The following SH2D1B variants were observed in gnomAD, a reference collection of about 807,000 sequenced individuals.
The protein encoded by SH2D1B is SH2 domain-containing protein 1B.
A neutral mutation model predicts 16.3 loss-of-function variants in SH2D1B; 11 were observed. The ratio of observed to expected loss-of-function variants is 0.67; its 90% confidence interval spans 0.42 to 1.11. The LOEUF is 1.11. SH2D1B is among the 50% of genes most tolerant of loss of function. The pLI is 0.00. For synonymous variants in SH2D1B, 55 were observed against 56.1 expected (o/e 0.98, Z 0.09); for missense variants, 123 against 153.1 (o/e 0.80, Z 1.04).
intron 1 of SH2D1B, 39 bp from the exon 2 acceptor site, chr1:162,402,841 G>T: frequency 2.0e-6 from 3 of 1,482,454 alleles, no homozygotes; most frequent in Non-Finnish European, 2.8e-6. Flanking sequence ...AATGTTCTAT[G>T]CAAATCCAGG....
chr1:162,411,138 T>C (rs931964553), intron 1 of SH2D1B, among the ~76,000 whole-genome samples: 11 of 151,814 alleles, frequency 7.2e-5, no homozygotes, highest in African/African-American at 2.7e-4. Flanking sequence ...GTATTTTTGG[T>C]AGAGATGGGG....
Position 162,397,042 on chromosome 1 carries a change from C to G in SH2D1B, c.*238G>C. The G allele has an allele frequency of 1.9e-6, 1 of 520,230 alleles. No individual in the cohort carries two copies. Among genetic ancestry groups the G allele is most frequent in the Non-Finnish European group, 3.5e-6 (1 of 286,222 alleles). 32.2% of individuals were successfully genotyped at this position (520,230 alleles called of 1,614,324 possible). ...GGGAAAATGTTCAGGCTGTCCCATTCCAAGAAAGAAGAGTGAAACTGGAGA... is the reference window on the plus strand; with the variant it reads ...GGGAAAATGTTCAGGCTGTCCCATTGCAAGAAAGAAGAGTGAAACTGGAGA... On this transcript the variant is annotated 3_prime_UTR_variant, in exon 4 of 4. Coordinates refer to ENST00000367929, the MANE Select transcript of SH2D1B (RefSeq NM_053282.5).
At position 162,397,303 on chromosome 1, in the gene SH2D1B, C is replaced by A; in HGVS notation, c.376G>T (p.Asp126Tyr). The A allele has an allele frequency of 1.2e-6, 2 of 1,613,762 alleles. No homozygotes were observed. The highest frequency in any genetic ancestry group is 1.1e-5 in the South Asian group (1 of 91,058). Residue 126 changes from aspartate to tyrosine, a missense_variant, in exon 4 of 4, where the codon GAT becomes TAT. Physicochemically the swap from Asp to Tyr is radical, Grantham distance 160 (BLOSUM62 -3). Coordinates refer to ENST00000367929, the MANE Select transcript of SH2D1B (RefSeq NM_053282.5). ...CTTCAAGGCAAGACATCCACATAAT[C>A]GCTGTTACTGTTCTTTGGAGGGAAA... is the stretch of plus-strand genomic sequence containing the variant. ...ELETFVNSNSDYVDVLP is the reference protein window; with the variant it reads ...ELETFVNSNSYYVDVLP
At position 162,412,118 on chromosome 1, in the gene SH2D1B, T is replaced by A; in HGVS notation, c.-102A>T. On this transcript the variant is annotated 5_prime_UTR_variant, in exon 1 of 4. Coordinates refer to ENST00000367929, the MANE Select transcript of SH2D1B (RefSeq NM_053282.5). The stretch of plus-strand genomic sequence containing the variant: ...GATGTGTAAGCAGCTGTACCTCCTG[T>A]GGAGCTACCTCTTCCTCTAGCGGTC... The A allele has an allele frequency of 6.9e-7, 1 of 1,453,520 alleles. No individual in the cohort carries two copies. Among genetic ancestry groups the A allele is most frequent in the Non-Finnish European group, 9.5e-7 (1 of 1,055,072 alleles). 90.0% of individuals were successfully genotyped at this position (1,453,520 alleles called of 1,614,324 possible).
intron 1 of SH2D1B, among the ~76,000 whole-genome samples, chr1:162,410,210 G>C (rs986944476): frequency 6.6e-6 from 1 of 152,148 alleles, no homozygotes; most frequent in Non-Finnish European, 1.5e-5. Context: ...CTACAATTCT[G>C]TTAGGCTGGT....
chr1:162,404,329 C>G (rs1228598683), intron 1 of SH2D1B, among the ~76,000 whole-genome samples: 1 of 151,692 alleles, frequency 6.6e-6, no homozygotes, highest in Admixed American at 6.6e-5. Context: ...GAGTGAGACT[C>G]CATCTCAAAA....
In SH2D1B at chr1:162,397,114, G is replaced by A. The variant is rs140825281; in HGVS notation, c.*166C>T. ...TATATGTCTGGGAGGCGGGGATGTG[G>A]AGAGTGACCTCTGGTGCTGGTGGGC... On this transcript the variant is annotated 3_prime_UTR_variant, in exon 4 of 4. Coordinates refer to ENST00000367929, the MANE Select transcript of SH2D1B (RefSeq NM_053282.5). The A allele has an allele frequency of 2.6e-3, 1,727 of 664,610 alleles. 23 individuals carry two copies. In the African/African-American group the frequency reaches 0.027, roughly 11 times the overall value. The allele number at this position is 664,610 out of a possible 1,614,324, so 41.2% of individuals were successfully genotyped here. A position where few individuals can be genotyped will look rare whatever the true frequency, so the allele number is the denominator to read the frequency against.
At chr1:162,405,875 GTCCT>G (rs1253162155) in intron 1 of SH2D1B, among the ~76,000 whole-genome samples, 1 of 152,204 alleles carries the variant, frequency 6.6e-6, no homozygotes, top group African/African-American at 2.4e-5. Flanking sequence ...GGATCTCTGA[GTCCT>G]TGCTCAACGC....
At chr1:162,401,804 A>C (rs1648523447) in intron 2 of SH2D1B, among the ~76,000 whole-genome samples, 2 of 152,202 alleles carry the variant, frequency 1.3e-5, no homozygotes, top group South Asian at 4.1e-4. Context: ...CAGAGTAAAC[A>C]TTAATATACT....
In SH2D1B at chr1:162,397,897, C is replaced by T. The variant is rs549421676; in HGVS notation, c.364-582G>A. ...GTTTCTAGATCTGCCACACTGTATACTTTTTATTCTATAAATTTGGGGGGG... is the reference window on the plus strand; with the variant it reads ...GTTTCTAGATCTGCCACACTGTATATTTTTTATTCTATAAATTTGGGGGGG... On this transcript the variant is annotated intron_variant, in intron 3 of 3. Transcript: ENST00000367929. Among the ~76,000 whole-genome samples, 6 of 151,584 alleles carry T rather than the reference C, an allele frequency of 4.0e-5. No homozygotes were observed. The East Asian group carries it at 1.2e-3, about 30-fold the overall frequency.
intron 1 of SH2D1B, among the ~76,000 whole-genome samples, chr1:162,407,505 A>C (rs1648679017): frequency 1.3e-5 from 2 of 152,224 alleles, no homozygotes; most frequent in South Asian, 4.1e-4. Context: ...TTTCTCACAA[A>C]ATAGTGATCA....
intron 1 of SH2D1B, among the ~76,000 whole-genome samples, chr1:162,403,529 T>A (rs866652601): frequency 0.02 from 1,963 of 96,554 alleles, 58 homozygotes; most frequent in East Asian, 0.038. Flanking sequence ...TATATATATA[T>A]ATATATATAT....
intron 1 of SH2D1B, among the ~76,000 whole-genome samples, chr1:162,404,335 CA>C: frequency 6.6e-6 from 1 of 150,726 alleles, no homozygotes; most frequent in South Asian, 2.1e-4. Flanking sequence ...GACTCCATCT[CA>C]AAAAAAATAA....
At chr1:162,397,412 G>C in intron 3 of SH2D1B, 97 bp from the exon 4 acceptor site, 1 of 1,330,894 alleles carries the variant, frequency 7.5e-7, no homozygotes. Flanking sequence ...CCCCTCCCCA[G>C]GCACAGAGCC....
rs548610559 is a variant in SH2D1B at position 162,403,216 on chromosome 1, T to C, written c.135-414A>G. Among the ~76,000 whole-genome samples, 57 of 152,144 alleles carry C rather than the reference T, an allele frequency of 3.7e-4. No individual in the cohort carries two copies. The South Asian group carries it at 6.2e-3, about 17-fold the overall frequency. ...ATTAAAAATAGAATTACTGGCCGGG[T>C]GCCGTGGCTCACGCCTGTAATCCCA... On this transcript the variant is annotated intron_variant, in intron 1 of 3. Transcript: ENST00000367929.
chr1:162,398,842 G>T, intron 3 of SH2D1B, 81 bp downstream of exon 3: 12 of 1,418,892 alleles, frequency 8.5e-6, no homozygotes, highest in Non-Finnish European at 1.2e-5. Flanking sequence ...AAGAGCATTT[G>T]TCTGTATTGA....
intron 3 of SH2D1B, among the ~76,000 whole-genome samples, chr1:162,398,118 CAG>C (rs949397874): frequency 1.3e-5 from 2 of 152,190 alleles, no homozygotes; most frequent in African/African-American, 2.4e-5. Flanking sequence ...TTGCCGCAGA[CAG>C]AGTAGAATGG....
chr1:162,408,962 A>C (rs1557912568), intron 1 of SH2D1B, among the ~76,000 whole-genome samples: 1 of 151,654 alleles, frequency 6.6e-6, no homozygotes, highest in Non-Finnish European at 1.5e-5. Flanking sequence ...TTAAACATTA[A>C]CCAGGCATGG....
chr1:162,403,511 A>AAAAAAAAAAAATAT (rs1648579325), intron 1 of SH2D1B, among the ~76,000 whole-genome samples: 2 of 42,034 alleles, frequency 4.8e-5, no homozygotes, highest in African/African-American at 1.1e-4. Context: ...AAAAAAAAAA[A>AAAAAAAAAAAATAT]ATATATATAT....
Sources: gnomAD v4.1 joint callset for allele counts (sites outside exome capture counted in the v4.1 genomes callset) on GRCh38, gnomAD v4.1.1 for gene constraint, MANE v1.5 for transcripts, NCBI Gene and HGNC (gene_info 2026-07-23, HGNC 2026-07-21) for gene names.